Variants in RGS22 observed in about 807,000 individuals in gnomAD.
RGS22 encodes the protein regulator of G-protein signaling 22.
Under a neutral mutation model 172.9 loss-of-function variants are expected in RGS22, and 148 were observed. The ratio of observed to expected loss-of-function variants is 0.86; its 90% CI spans 0.75 to 0.98. RGS22 has a LOEUF of 0.98. Among genes scored for constraint, RGS22 ranks in the 50% least tolerant of loss-of-function variants. The probability of loss-of-function intolerance (pLI) is 0.00; values close to 1 mark genes in which losing one functional copy is unlikely to be tolerated. For synonymous variants in RGS22, 458 were observed against 480.2 expected, an observed-to-expected ratio of 0.95 and a Z score of 0.60; for missense variants, 1,347 against 1,440.8, an observed-to-expected ratio of 0.93 and a Z score of 1.05.
At chr8:99,995,813 T>G (rs1458466709) in intron 20 of RGS22, among the ~76,000 whole-genome samples, 1 of 152,222 alleles carries the variant, frequency 6.6e-6, no homozygotes, top group Non-Finnish European at 1.5e-5. Flanking sequence ...CATGCACACG[T>G]ATGTTTATTG....
At chr8:99,966,379 C>G (rs1300338344) in intron 23 of RGS22, among the ~76,000 whole-genome samples, 1 of 151,916 alleles carries the variant, frequency 6.6e-6, no homozygotes, top group African/African-American at 2.4e-5. Context: ...TTACCACACA[C>G]AACATACCCA....
intron 23 of RGS22, among the ~76,000 whole-genome samples, chr8:99,970,703 C>T (rs1174761279): frequency 2.6e-5 from 4 of 152,098 alleles, no homozygotes; most frequent in Non-Finnish European, 4.4e-5. Flanking sequence ...CCTGAATAGA[C>T]CAATAACAAG....
Position 100,047,580 on chromosome 8 carries a change from A to G in RGS22, c.1706T>C (p.Leu569Ser). 1.9e-6 allele frequency: 3 copies of G among 1,609,812 alleles called. No homozygotes were observed. The highest frequency in any genetic ancestry group is 2.5e-6 in the Non-Finnish European group (3 of 1,178,718). The change falls in exon 11 of 28, where the codon TTA becomes TCA. Residue 569 changes from leucine (L) to serine (S), a missense_variant. Leu to Ser is a moderately radical substitution (Grantham distance 145, BLOSUM62 -2). Coordinates refer to ENST00000360863, the MANE Select transcript of RGS22 (RefSeq NM_015668.5). ...IPEIQKEEFS[L>S]SQPPKSPNKS... The stretch of plus-strand genomic sequence containing the variant: ...ATTGGGAGATTTAGGAGGTTGTGAT[A>G]AGCTGAATTCTTCTTTCTAAAAGAT...
chr8:99,962,336 G>A lies in RGS22; in HGVS notation c.*45+58C>T, dbSNP rs1406554011. ...TGTGTGTGCATGCGTGCATGTACATGAATGAGTGTATTACGAGGACATGTG... is the reference window on the plus strand; with the variant it reads ...TGTGTGTGCATGCGTGCATGTACATAAATGAGTGTATTACGAGGACATGTG... On this transcript the variant is annotated intron_variant, in intron 27 of 27. Transcript: ENST00000360863. The A allele has an allele frequency of 5.6e-6, 6 of 1,073,300 alleles. No individual in the cohort carries two copies. In the Admixed American group the frequency reaches 8.6e-5, roughly 15 times the overall value. The allele number at this position is 1,073,300 out of a possible 1,614,324, so 66.5% of individuals were successfully genotyped here.
intron 23 of RGS22, among the ~76,000 whole-genome samples, chr8:99,971,534 A>C (rs894323338): frequency 6.6e-6 from 1 of 152,204 alleles, no homozygotes; most frequent in East Asian, 1.9e-4. Flanking sequence ...AAAGTCTCAG[A>C]ATACAAAATC....
chr8:99,999,022 G>A (rs1814693105), intron 19 of RGS22, among the ~76,000 whole-genome samples: 1 of 152,018 alleles, frequency 6.6e-6, no homozygotes, highest in Non-Finnish European at 1.5e-5. Context: ...AGCTGGGCAT[G>A]GTAGTGCATG....
intron 5 of RGS22, among the ~76,000 whole-genome samples, chr8:100,071,746 G>C (rs1366656199): frequency 1.3e-5 from 2 of 152,068 alleles, no homozygotes; most frequent in African/African-American, 4.8e-5. Context: ...CTTAAAAATT[G>C]TTGTTCAGAG....
intron 4 of RGS22, among the ~76,000 whole-genome samples, chr8:100,079,187 G>T (rs1044972533): frequency 2.0e-5 from 3 of 152,098 alleles, no homozygotes; most frequent in African/African-American, 7.2e-5. Flanking sequence ...AATAAACATT[G>T]TCCCACCTAG....
At chr8:100,048,091 T>A (rs12676371) in intron 10 of RGS22, among the ~76,000 whole-genome samples, 1 of 152,128 alleles carries the variant, frequency 6.6e-6, no homozygotes, top group African/African-American at 2.4e-5. Flanking sequence ...TATTTCATGG[T>A]TATTTTTCCC....
At chr8:100,060,147 T>G (rs766797073) in intron 9 of RGS22, among the ~76,000 whole-genome samples, 1 of 152,086 alleles carries the variant, frequency 6.6e-6, no homozygotes, top group Non-Finnish European at 1.5e-5. Flanking sequence ...ATATATTTTT[T>G]TCCACTATGC....
chr8:100,052,111 T>TAA (rs1821656112), intron 10 of RGS22, among the ~76,000 whole-genome samples: 1 of 24,040 alleles, frequency 4.2e-5, no homozygotes, highest in African/African-American at 1.6e-4. Flanking sequence ...ATATAAATGT[T>TAA]TATATATATT....
In RGS22 at chr8:100,000,439, C is replaced by T. The variant is rs1048025155; in HGVS notation, c.2791-1019G>A. On this transcript the variant is annotated intron_variant, in intron 18 of 27. Coordinates refer to ENST00000360863, the MANE Select transcript of RGS22 (RefSeq NM_015668.5). ...CTAATCAAAGAGCAAATTGGCTGCA[C>T]AACTGAAATCTGGACTAGCACGATC... 2.0e-5 allele frequency among the ~76,000 whole-genome samples: 3 copies of T among 152,128 alleles called. 1 individual carries two copies. In the South Asian group the frequency reaches 6.2e-4, roughly 32 times the overall value.
At chr8:100,049,962 T>G (rs1322414171) in intron 10 of RGS22, among the ~76,000 whole-genome samples, 3 of 151,594 alleles carry the variant, frequency 2.0e-5, no homozygotes, top group South Asian at 2.1e-4. Flanking sequence ...GGCAGGAGAA[T>G]TGCCTGAACC....
At chr8:100,004,817 AAATAT>A (rs527576033) in intron 16 of RGS22, among the ~76,000 whole-genome samples, 162 of 151,498 alleles carry the variant, frequency 1.1e-3, no homozygotes, top group African/African-American at 3.6e-3. Context: ...TATAATATTA[AAATAT>A]AATATAAATA....
intron 9 of RGS22, among the ~76,000 whole-genome samples, chr8:100,062,261 A>ACAAACC (rs1810196857): frequency 6.6e-6 from 1 of 152,186 alleles, no homozygotes. Context: ...ACACAAGTTT[A>ACAAACC]CCTATGTAAC....
At chr8:99,976,201 T>C (rs181700593) in intron 23 of RGS22, among the ~76,000 whole-genome samples, 1 of 151,156 alleles carries the variant, frequency 6.6e-6, no homozygotes, top group Admixed American at 6.6e-5. Flanking sequence ...AGAAATAAAA[T>C]AAAAAAAATA....
intron 9 of RGS22, among the ~76,000 whole-genome samples, chr8:100,056,620 T>C (rs1822284364): frequency 6.6e-6 from 1 of 152,134 alleles, no homozygotes; most frequent in Non-Finnish European, 1.5e-5. Flanking sequence ...GCTTGGGCCA[T>C]GGCTTCAGAG....
At chr8:100,102,133 A>G (rs1342940294) in intron 2 of RGS22, among the ~76,000 whole-genome samples, 1 of 152,196 alleles carries the variant, frequency 6.6e-6, no homozygotes, top group Non-Finnish European at 1.5e-5. Flanking sequence ...TTCTACACTT[A>G]TGTAAGTATT....
At chr8:99,991,640 G>T (rs1813731104) in intron 20 of RGS22, among the ~76,000 whole-genome samples, 1 of 152,180 alleles carries the variant, frequency 6.6e-6, no homozygotes, top group Admixed American at 6.5e-5. Flanking sequence ...CTACATTTTT[G>T]ATTGGTGTAC....
Sources: gnomAD v4.1 joint callset for allele counts (sites outside exome capture counted in the v4.1 genomes callset) on GRCh38, gnomAD v4.1.1 for gene constraint, MANE v1.5 for transcripts, NCBI Gene and HGNC (gene_info 2026-07-23, HGNC 2026-07-21) for gene names.